The following SAMD8 variants were observed in gnomAD, a reference collection of about 807,000 sequenced individuals.
SAMD8 encodes the protein sphingomyelin synthase-related protein 1.
Under a neutral mutation model 42.0 loss-of-function variants are expected in SAMD8, and 20 were observed. That is an observed-to-expected ratio of 0.48 (90% CI 0.34 to 0.69). The LOEUF (loss-of-function observed/expected upper bound fraction) is 0.69. Among genes scored for constraint, SAMD8 ranks in the 30% least tolerant of loss-of-function variants. The pLI is 0.01. For synonymous variants in SAMD8, 162 were observed against 173.0 expected, an observed-to-expected ratio of 0.94 and a Z score of 0.50; for missense variants, 328 against 511.6, an observed-to-expected ratio of 0.64 and a Z score of 3.46.
chr10:75,107,957 C>T, upstream of SAMD8: 1 of 1,580,512 alleles, frequency 6.3e-7, no homozygotes, highest in Non-Finnish European at 8.6e-7. Flanking sequence ...CATGAATGAG[C>T]AAGATGGGAT....
intron 4 of SAMD8, among the ~76,000 whole-genome samples, chr10:75,169,481 CAAA>C (rs1344408207): frequency 8.3e-6 from 1 of 120,146 alleles, no homozygotes; most frequent in Non-Finnish European, 1.6e-5. Flanking sequence ...GACTCTGTCT[CAAA>C]AACAAAGAAA....
intron 1 of SAMD8, among the ~76,000 whole-genome samples, chr10:75,120,547 G>A (rs947808602): frequency 3.9e-5 from 6 of 152,164 alleles, no homozygotes; most frequent in African/African-American, 1.4e-4. Context: ...GGGATTACAG[G>A]CGTGAGCCAC....
intron 3 of SAMD8, 43 bp from the exon 4 acceptor site, chr10:75,168,498 G>T (rs1447210808): frequency 1.9e-6 from 3 of 1,597,542 alleles, no homozygotes; most frequent in Admixed American, 1.7e-5. Flanking sequence ...TTTTTGGTTT[G>T]TTTTCTTCTG....
intron 1 of SAMD8, among the ~76,000 whole-genome samples, chr10:75,129,138 A>AT (rs144016245): frequency 0.25 from 35,829 of 145,988 alleles, 4,705 homozygotes; most frequent in East Asian, 0.58. Context: ...TCTTCTTCTT[A>AT]TTTTTTTTTT....
intron 1 of SAMD8, among the ~76,000 whole-genome samples, chr10:75,115,430 G>A (rs1041445353): frequency 2.0e-5 from 3 of 152,272 alleles, no homozygotes; most frequent in Admixed American, 6.5e-5. Context: ...AAAACAGATT[G>A]GTGTTTACAT....
upstream of SAMD8, chr10:75,111,488 C>G (rs1589926827): frequency 3.3e-6 from 4 of 1,222,898 alleles, no homozygotes; most frequent in South Asian, 8.2e-5. Flanking sequence ...CCCCGCCTCC[C>G]GAAGCAGTTC....
At chr10:75,152,071 A>G (rs1840302771) in intron 2 of SAMD8, among the ~76,000 whole-genome samples, 1 of 150,410 alleles carries the variant, frequency 6.6e-6, no homozygotes, top group African/African-American at 2.5e-5. Flanking sequence ...TTTTTTTTAA[A>G]TGAAGAATAG....
chr10:75,147,651 C>G (rs1219692277), intron 1 of SAMD8, among the ~76,000 whole-genome samples: 1 of 152,152 alleles, frequency 6.6e-6, no homozygotes, highest in Non-Finnish European at 1.5e-5. Context: ...GGAAACTTGT[C>G]TCTCAGATTT....
Position 75,176,318 on chromosome 10 carries a change from C to A in SAMD8, c.944-70C>A. Reference sequence around the variant, plus strand: ...TGTGAAGAATGGCAAAACAGCCTGACCTGAGAAACGTGACTGAGAAGCATT... The same window carrying A: ...TGTGAAGAATGGCAAAACAGCCTGAACTGAGAAACGTGACTGAGAAGCATT... On this transcript the variant is annotated intron_variant, in intron 5 of 5. Coordinates refer to ENST00000542569, the MANE Select transcript of SAMD8 (RefSeq NM_001174156.2). The surrounding 1 kb of genome is among the most constrained non-coding windows in gnomAD (Gnocchi z 4.3). The A allele has an allele frequency of 6.3e-7, 1 of 1,599,706 alleles. No homozygotes were observed. The highest frequency in any genetic ancestry group is 8.5e-7 in the Non-Finnish European group (1 of 1,172,442).
At chr10:75,173,760 G>A (rs895451893) in intron 4 of SAMD8, among the ~76,000 whole-genome samples, 1 of 152,174 alleles carries the variant, frequency 6.6e-6, no homozygotes, top group Admixed American at 6.5e-5. Context: ...TGTATAATCA[G>A]CAGGTGAGAT....
At chr10:75,117,611 G>A (rs1355987970) in intron 1 of SAMD8, among the ~76,000 whole-genome samples, 5 of 152,146 alleles carry the variant, frequency 3.3e-5, no homozygotes, top group Non-Finnish European at 7.3e-5. Flanking sequence ...CAGCTGCTTG[G>A]GAGGCTGAGG....
At chr10:75,157,049 C>T (rs143358088) in intron 2 of SAMD8, among the ~76,000 whole-genome samples, 29 of 151,362 alleles carry the variant, frequency 1.9e-4, no homozygotes, top group African/African-American at 5.1e-4. Flanking sequence ...TTCACCTCCC[C>T]GAAAAGAGTA....
At chr10:75,129,953 A>G (rs888531011) in intron 1 of SAMD8, among the ~76,000 whole-genome samples, 1 of 152,194 alleles carries the variant, frequency 6.6e-6, no homozygotes, top group Non-Finnish European at 1.5e-5. Context: ...ACCAAGTGTA[A>G]TACATGAACC....
rs921088499 is a variant in SAMD8, at chr10:75,168,470, A to G, written c.675-71A>G. On this transcript the variant is annotated intron_variant, in intron 3 of 5. Coordinates refer to ENST00000542569, the MANE Select transcript of SAMD8 (RefSeq NM_001174156.2). ...TTCTGTTTGCTCTTCCTTGAAGTAA[A>G]TATTTGATGCCTGGGGTTTTTTGGT... 5.1e-6 allele frequency: 8 copies of G among 1,583,926 alleles called. No individual in the cohort carries two copies. The African/African-American group carries it at 6.8e-5, about 13-fold the overall frequency.
At chr10:75,123,786 G>C (rs1849061590) in intron 1 of SAMD8, among the ~76,000 whole-genome samples, 1 of 151,884 alleles carries the variant, frequency 6.6e-6, no homozygotes, top group Non-Finnish European at 1.5e-5. Flanking sequence ...TGCCTCCAGG[G>C]CTCAAGCGAC....
upstream of SAMD8, chr10:75,111,365 G>C (rs193206315): frequency 6.8e-4 from 362 of 533,288 alleles, no homozygotes; most frequent in African/African-American, 6.4e-3. Context: ...TGCGCCCTCG[G>C]GCTCCTCCGC....
intron 4 of SAMD8, among the ~76,000 whole-genome samples, chr10:75,174,861 T>C (rs1336511093): frequency 1.3e-5 from 2 of 152,182 alleles, no homozygotes; most frequent in Non-Finnish European, 2.9e-5. Flanking sequence ...TATTGATAAC[T>C]GGAAATTCAA....
At chr10:75,119,304 A>G (rs1848953415) in intron 1 of SAMD8, among the ~76,000 whole-genome samples, 1 of 152,034 alleles carries the variant, frequency 6.6e-6, no homozygotes, top group African/African-American at 2.4e-5. Context: ...ACAGGGGTGC[A>G]CCACCATGCC....
chr10:75,127,508 CAT>C (rs1269877287), intron 1 of SAMD8, among the ~76,000 whole-genome samples: 2 of 152,152 alleles, frequency 1.3e-5, no homozygotes, highest in African/African-American at 4.8e-5. Flanking sequence ...ATTATTTGGG[CAT>C]ATAAGTCAAA....
Sources: gnomAD v4.1 joint callset for allele counts (sites outside exome capture counted in the v4.1 genomes callset) on GRCh38, gnomAD v4.1.1 for gene constraint, Gnocchi (gnomAD v3.1) non-coding constraint, MANE v1.5 for transcripts, NCBI Gene and HGNC (gene_info 2026-07-23, HGNC 2026-07-21) for gene names.